Variants in DENND3 observed in about 807,000 individuals in gnomAD.
DENND3 encodes DENN domain containing 3.
A neutral mutation model predicts 135.1 loss-of-function variants in DENND3; 88 were observed. The ratio of observed to expected loss-of-function variants is 0.65; its 90% confidence interval spans 0.55 to 0.78. The LOEUF is 0.78. Ranked by LOEUF, DENND3 falls within the 30% of genes least tolerant of loss-of-function variation. The pLI is 0.00. For synonymous variants in DENND3, 693 were observed against 712.3 expected, an observed-to-expected ratio of 0.97 and a Z score of 0.43; for missense variants, 1,392 against 1,688.4, an observed-to-expected ratio of 0.82 and a Z score of 3.08.
chr8:141,129,867 A>G (rs1240976200), intron 1 of DENND3: 2 of 152,256 alleles, frequency 1.3e-5, no homozygotes, highest in Non-Finnish European at 2.9e-5. Context: ...GGGCGTCAGT[A>G]CCAAGCCAGT....
chr8:141,145,336 A>T (rs573542512), intron 5 of DENND3, among the ~76,000 whole-genome samples: 38 of 152,176 alleles, frequency 2.5e-4, no homozygotes, highest in Admixed American at 5.9e-4. Flanking sequence ...GAGATGCCTC[A>T]CCTTTTTGGG....
intron 3 of DENND3, among the ~76,000 whole-genome samples, chr8:141,140,434 G>T (rs1017773335): frequency 6.6e-6 from 1 of 152,306 alleles, no homozygotes; most frequent in Non-Finnish European, 1.5e-5. Flanking sequence ...TAACCACAAC[G>T]AATGAGGTTG....
At position 141,146,267 on chromosome 8, in the gene DENND3, C is replaced by T. The variant is rs577482686; in HGVS notation, c.735+2008C>T. On this transcript the variant is annotated intron_variant, in intron 5 of 22. Transcript: ENST00000519811. The surrounding 1 kb of genome is among the most constrained non-coding windows in gnomAD (Gnocchi z 4.3). ...CTGTGTTACTTAATGAACAGGCAAA[C>T]ATTTCCCAGGCTGGTTTTTTTTCTG... Among the ~76,000 whole-genome samples, 1 of 152,258 alleles carries T rather than the reference C, an allele frequency of 6.6e-6. No individual in the cohort carries two copies. The highest frequency in any genetic ancestry group is 1.9e-4 in the East Asian group (1 of 5,184).
chr8:141,175,825 A>G lies in DENND3; in HGVS notation c.2535+366A>G, dbSNP rs1336102829. The G allele has an allele frequency of 6.2e-6, 2 of 320,026 alleles. No individual in the cohort carries two copies. The highest frequency in any genetic ancestry group is 2.1e-3 in the Middle Eastern group (2 of 968). 19.8% of individuals were successfully genotyped at this position (320,026 alleles called of 1,614,324 possible). ...GTTTACTGAGAAACTGCCATGTGCC[A>G]GCCACGGTGAGCTACAGTAGCTCAC... On this transcript the variant is annotated intron_variant, in intron 14 of 22. Coordinates refer to ENST00000519811, the MANE Select transcript of DENND3 (RefSeq NM_001352890.3). The surrounding 1 kb of genome is among the most constrained non-coding windows in gnomAD (Gnocchi z 5.4).
At chr8:141,180,951 A>G in intron 17 of DENND3, 97 bp downstream of exon 17, 1 of 952,684 alleles carries the variant, frequency 1.0e-6, no homozygotes, top group East Asian at 2.6e-5. Flanking sequence ...AAGGGGAGCC[A>G]GTGTCACGGG....
chr8:141,179,408 G>T (rs960853061), intron 16 of DENND3, among the ~76,000 whole-genome samples: 1 of 152,166 alleles, frequency 6.6e-6, no homozygotes, highest in East Asian at 1.9e-4. Flanking sequence ...GCCTTCTAAC[G>T]CCTCTGTTAT....
At position 141,194,371 on chromosome 8, in the gene DENND3, G is replaced by C; in HGVS notation, c.*138G>C. 1 of 1,052,874 alleles carries C rather than the reference G, an allele frequency of 9.5e-7. No individual in the cohort carries two copies. The highest frequency in any genetic ancestry group is 1.6e-5 in the South Asian group (1 of 64,084). 65.2% of individuals were successfully genotyped at this position (1,052,874 alleles called of 1,614,324 possible). A position where few individuals can be genotyped will look rare whatever the true frequency, so the allele number is the denominator to read the frequency against. ...TCAGCATGGAGCCCACTTACCGTGT[G>C]GCCAGCCGCGAGACCCATGGCCACG... On this transcript the variant is annotated 3_prime_UTR_variant, in exon 23 of 23. Coordinates refer to ENST00000519811, the MANE Select transcript of DENND3 (RefSeq NM_001352890.3).
chr8:141,182,917 G>C lies in DENND3; in HGVS notation c.2944+2063G>C, dbSNP rs999286682. Among the ~76,000 whole-genome samples the C allele has an allele frequency of 1.1e-4, 16 of 152,234 alleles. No homozygotes were observed. The highest frequency in any genetic ancestry group is 3.1e-4 in the African/African-American group (13 of 41,470). The stretch of plus-strand genomic sequence containing the variant: ...CAGTGTCTCACCCATGGGAGCAACA[G>C]ACCACTGGAATCGCACCCCAGAAAG... On this transcript the variant is annotated intron_variant, in intron 17 of 22. Coordinates refer to ENST00000519811, the MANE Select transcript of DENND3 (RefSeq NM_001352890.3). This position sits in a 1 kb window ranked among gnomAD's most constrained non-coding sequence, Gnocchi z 5.9.
rs190383133 is a variant in DENND3 at position 141,130,975 on chromosome 8, G to A, written c.102+2166G>A. On this transcript the variant is annotated intron_variant, in intron 1 of 22. Transcript: ENST00000519811. The surrounding 1 kb of genome is among the most constrained non-coding windows in gnomAD (Gnocchi z 4.2). ...GTTGGGATTATAGGTGTGAGCCACCGCACCTGGCCGCTTTTAAATAATTTT... is the reference window on the plus strand; with the variant it reads ...GTTGGGATTATAGGTGTGAGCCACCACACCTGGCCGCTTTTAAATAATTTT... 1.1e-4 allele frequency among the ~76,000 whole-genome samples: 17 copies of A among 152,204 alleles called. No individual in the cohort carries two copies. Among genetic ancestry groups the A allele is most frequent in the African/African-American group, 2.2e-4 (9 of 41,520 alleles).
chr8:141,180,722 A>ACACT (rs1569556640), intron 16 of DENND3, 25 bp from the exon 17 acceptor site: 2 of 1,603,578 alleles, frequency 1.2e-6, no homozygotes, highest in Non-Finnish European at 1.7e-6. Context: ...TGCAACAGTA[A>ACACT]CACTCCAAGT....
intron 5 of DENND3, among the ~76,000 whole-genome samples, chr8:141,149,210 G>A (rs370280131): frequency 5.3e-5 from 8 of 152,256 alleles, no homozygotes; most frequent in Admixed American, 2.0e-4. Context: ...ACACCCGGCC[G>A]AATTTGCCTT....
chr8:141,152,349 C>T (rs1176515280), intron 7 of DENND3, among the ~76,000 whole-genome samples: 6 of 152,170 alleles, frequency 3.9e-5, no homozygotes, highest in Admixed American at 1.3e-4. Context: ...TGCAATCATC[C>T]GCCGTCCAAT....
intron 18 of DENND3, 194 bp downstream of exon 18, chr8:141,185,472 G>A (rs113539994): frequency 9.2e-5 from 60 of 651,848 alleles, no homozygotes; most frequent in African/African-American, 8.0e-4. Flanking sequence ...CTACTTACAC[G>A]TCCTTATTGA....
In DENND3 at chr8:141,155,769, CAT is replaced by C. The variant is rs1819357912; in HGVS notation, c.1075-77_1075-76del. 3.2e-5 allele frequency: 47 copies of C among 1,478,068 alleles called. No individual in the cohort carries two copies. In the Middle Eastern group the frequency reaches 8.3e-4, roughly 26 times the overall value. The allele number at this position is 1,478,068 out of a possible 1,614,324, so 91.6% of individuals were successfully genotyped here. Reference sequence around the variant, plus strand: ...TGACACTGTCTTAGTGAACTCAAAACATATTTATGTGTTTTCAAAGAGGTATA... The same window carrying C: ...TGACACTGTCTTAGTGAACTCAAAACATTTATGTGTTTTCAAAGAGGTATA... On this transcript the variant is annotated intron_variant, in intron 7 of 22. Coordinates refer to ENST00000519811, the MANE Select transcript of DENND3 (RefSeq NM_001352890.3).
Position 141,141,520 on chromosome 8 carries a change from G to T in DENND3, c.623+196G>T, listed in dbSNP as rs1343333131. The stretch of plus-strand genomic sequence containing the variant: ...CTCTTAGGCTGTTGCTTAAGGCTGG[G>T]GGCAGTGGGCAGGGGGTGTGGCAGC... On this transcript the variant is annotated intron_variant, in intron 4 of 22. Transcript: ENST00000519811. This position sits in a 1 kb window ranked among gnomAD's most constrained non-coding sequence, Gnocchi z 5.3. The T allele has an allele frequency of 6.5e-6, 4 of 619,692 alleles. No homozygotes were observed. In the African/African-American group the frequency reaches 7.4e-5, roughly 12 times the overall value. 38.4% of individuals were successfully genotyped at this position (619,692 alleles called of 1,614,324 possible). A position where few individuals can be genotyped will look rare whatever the true frequency, so the allele number is the denominator to read the frequency against.
rs1293477738 is a variant in DENND3 at position 141,136,536 on chromosome 8, C to T, written c.130C>T (p.Leu44Phe). ...TGCTTATAAAAAGGGAGTCAAACAT[C>T]TTTCTGCTCTTCTTGATCCAGAGGT... ...QVAYKKGVKH[L>F]SALLDPEVLS... Residue 44 changes from leucine to phenylalanine, a missense_variant, in exon 2 of 23, where the codon CTT becomes TTT. Transcript: ENST00000519811. 1 of 1,550,458 alleles carries T rather than the reference C, an allele frequency of 6.4e-7. No homozygotes were observed. Among genetic ancestry groups the T allele is most frequent in the Non-Finnish European group, 8.7e-7 (1 of 1,147,254 alleles).
Position 141,168,562 on chromosome 8 carries a change from T to C in DENND3, c.2275+37T>C, listed in dbSNP as rs748165660. 2 of 1,568,438 alleles carry C rather than the reference T, an allele frequency of 1.3e-6. No homozygotes were observed. Among genetic ancestry groups the C allele is most frequent in the South Asian group, 2.4e-5 (2 of 84,716 alleles). ...CCTGGCACCATCACAGATTTTATTATTTAGAGACAGGGTCTGGCTCTGTCG... is the reference window on the plus strand; with the variant it reads ...CCTGGCACCATCACAGATTTTATTACTTAGAGACAGGGTCTGGCTCTGTCG... On this transcript the variant is annotated intron_variant, in intron 13 of 22. Transcript: ENST00000519811. This position sits in a 1 kb window ranked among gnomAD's most constrained non-coding sequence, Gnocchi z 6.2.
rs768029496 is a variant in DENND3 at position 141,136,757 on chromosome 8, G to A, written c.351G>A (p.Val117=). The A allele has an allele frequency of 1.7e-5, 27 of 1,593,216 alleles. No homozygotes were observed. Among genetic ancestry groups the A allele is most frequent in the East Asian group, 2.3e-5 (1 of 44,022 alleles). ...EPEDVAVPGG[V]DLLTLPQLCF... is the part of the protein sequence containing the mutation. ...AGGATGTCGCCGTCCCGGGCGGCGT[G>A]GACCTCCTCACCCTGCCGCAGCTGT... The change falls in exon 2 of 23, where the codon GTG becomes GTA. Residue 117 remains valine, a synonymous_variant. Coordinates refer to ENST00000519811, the MANE Select transcript of DENND3 (RefSeq NM_001352890.3).
intron 17 of DENND3, among the ~76,000 whole-genome samples, chr8:141,183,849 G>A (rs1823524848): frequency 6.6e-6 from 1 of 152,130 alleles, no homozygotes; most frequent in African/African-American, 2.4e-5. Context: ...TCCTGGCGGG[G>A]GTGCAGGTGT....
Sources: gnomAD v4.1 joint callset for allele counts (sites outside exome capture counted in the v4.1 genomes callset) on GRCh38, gnomAD v4.1.1 for gene constraint, Gnocchi (gnomAD v3.1) non-coding constraint, MANE v1.5 for transcripts, NCBI Gene and HGNC (gene_info 2026-07-23, HGNC 2026-07-21) for gene names.